EPG5: variants seen among roughly 807,000 people sequenced by gnomAD.
The protein encoded by EPG5 is ectopic P-granules 5 autophagy tethering factor.
A neutral mutation model predicts 302.7 loss-of-function variants in EPG5; 159 were observed. The ratio of observed to expected loss-of-function variants is 0.53; its 90% confidence interval spans 0.46 to 0.60. EPG5 has a LOEUF of 0.60. EPG5 is among the 20% of genes least tolerant of loss of function. The pLI, the probability that EPG5 is intolerant of heterozygous loss-of-function variation, is 0.00. For missense variants in EPG5, 2,896 were observed against 3,092.4 expected, an observed-to-expected ratio of 0.94 and a Z score of 1.51; for synonymous variants, 1,158 against 1,136.8, an observed-to-expected ratio of 1.02 and a Z score of -0.37.
Position 45,951,251 on chromosome 18 carries a change from G to T in EPG5, c.1253-13C>A. On this transcript the variant is annotated splice_polypyrimidine_tract_variant and intron_variant, in intron 3 of 43. Transcript: ENST00000282041. Reference sequence around the variant, plus strand: ...GTCTGCTTAGACGCTGTAAATGAAAGATATTAAATGAGTCTCTCATAAATG... The same window carrying T: ...GTCTGCTTAGACGCTGTAAATGAAATATATTAAATGAGTCTCTCATAAATG... 1 of 1,449,562 alleles carries T rather than the reference G, an allele frequency of 6.9e-7. No homozygotes were observed. The highest frequency in any genetic ancestry group is 1.6e-5 in the South Asian group (1 of 61,274). The allele number at this position is 1,449,562 out of a possible 1,614,324, so 89.8% of individuals were successfully genotyped here.
At chr18:45,882,603 A>C in intron 30 of EPG5, 116 bp from the exon 31 acceptor site, 1 of 720,958 alleles carries the variant, frequency 1.4e-6, no homozygotes, top group Non-Finnish European at 2.2e-6. Flanking sequence ...ATTTTATAAA[A>C]ATTGAAATTA....
At position 45,850,809 on chromosome 18, in the gene EPG5, T is replaced by C. The variant is rs1193770403; in HGVS notation, c.*1658A>G. 6.6e-6 allele frequency: 1 copy of C among 152,660 alleles called. No homozygotes were observed. Among genetic ancestry groups the C allele is most frequent in the African/African-American group, 2.4e-5 (1 of 41,456 alleles). The allele number at this position is 152,660 out of a possible 1,614,324, so 9.5% of individuals were successfully genotyped here. A position where few individuals can be genotyped will look rare whatever the true frequency, so the allele number is the denominator to read the frequency against. On this transcript the variant is annotated 3_prime_UTR_variant, in exon 44 of 44. Transcript: ENST00000282041. ...CTCCTCAAAGAAAACACAAAATATTTCCAAACAAAAATCGCTGTTGCCAGA... is the reference window on the plus strand; with the variant it reads ...CTCCTCAAAGAAAACACAAAATATTCCCAAACAAAAATCGCTGTTGCCAGA...
intron 35 of EPG5, among the ~76,000 whole-genome samples, chr18:45,872,848 G>A (rs983346121): frequency 1.3e-5 from 2 of 152,154 alleles, no homozygotes; most frequent in African/African-American, 2.4e-5. Flanking sequence ...GATAGCATTC[G>A]TTTAAATATG....
At chr18:45,927,433 T>G (rs560414001) in intron 13 of EPG5, among the ~76,000 whole-genome samples, 12 of 152,286 alleles carry the variant, frequency 7.9e-5, no homozygotes, top group African/African-American at 2.6e-4. Flanking sequence ...AATTATGACA[T>G]GATCCAGCAA....
chr18:45,810,770 G>T, the EPG5 span, among the ~76,000 whole-genome samples: 53 of 152,166 alleles, frequency 3.5e-4, no homozygotes, highest in African/African-American at 1.2e-3. Flanking sequence ...GACAGAGTGG[G>T]ACTCTGTCTA....
chr18:45,943,315 G>C lies in EPG5; in HGVS notation c.1793-4C>G. On this transcript the variant is annotated splice_region_variant and splice_polypyrimidine_tract_variant and intron_variant, in intron 8 of 43. Coordinates refer to ENST00000282041, the MANE Select transcript of EPG5 (RefSeq NM_020964.3). ...GTTGTTTCAGGTAAATAATCACCTAGAAGTTAATCAGATAAAAGAAAAAAA... is the reference window on the plus strand; with the variant it reads ...GTTGTTTCAGGTAAATAATCACCTACAAGTTAATCAGATAAAAGAAAAAAA... 1 of 1,612,652 alleles carries C rather than the reference G, an allele frequency of 6.2e-7. No homozygotes were observed. The highest frequency in any genetic ancestry group is 8.5e-7 in the Non-Finnish European group (1 of 1,179,016).
At chr18:45,800,852 A>C in the EPG5 span, among the ~76,000 whole-genome samples, 1 of 152,212 alleles carries the variant, frequency 6.6e-6, no homozygotes, top group South Asian at 2.1e-4. Flanking sequence ...CCAGCACTCC[A>C]GTTAGGGCAA....
At chr18:45,956,714 G>A (rs2051041859) in intron 1 of EPG5, among the ~76,000 whole-genome samples, 1 of 152,012 alleles carries the variant, frequency 6.6e-6, no homozygotes, top group Non-Finnish European at 1.5e-5. Flanking sequence ...ATTAACAGGC[G>A]TGAGCCACCG....
chr18:45,878,122 C>G (rs1387704598), intron 34 of EPG5, among the ~76,000 whole-genome samples: 1 of 152,178 alleles, frequency 6.6e-6, no homozygotes, highest in African/African-American at 2.4e-5. Context: ...TATTCAACCT[C>G]TTATTGTGGA....
chr18:45,805,543 C>T, the EPG5 span, among the ~76,000 whole-genome samples: 1 of 149,896 alleles, frequency 6.7e-6, no homozygotes, highest in Non-Finnish European at 1.5e-5. Context: ...TGTTAATAGG[C>T]AAAAATTTCC....
intron 35 of EPG5, among the ~76,000 whole-genome samples, chr18:45,874,553 C>T (rs2048932471): frequency 1.3e-5 from 2 of 152,158 alleles, no homozygotes; most frequent in Non-Finnish European, 2.9e-5. Context: ...TACATGGCAG[C>T]AGGCAAGAGA....
the EPG5 span, among the ~76,000 whole-genome samples, chr18:45,826,304 G>A: frequency 1.3e-5 from 2 of 152,162 alleles, no homozygotes; most frequent in Non-Finnish European, 2.9e-5. Flanking sequence ...ACTGTGGCAG[G>A]TTTAAGCAAC....
At position 45,879,134 on chromosome 18, in the gene EPG5, T is replaced by A; in HGVS notation, c.5748A>T (p.Leu1916Phe). The A allele has an allele frequency of 1.2e-6, 2 of 1,614,110 alleles. No individual in the cohort carries two copies. Among genetic ancestry groups the A allele is most frequent in the Non-Finnish European group, 1.7e-6 (2 of 1,179,992 alleles). ...LSKMDFKSFG[L>F]FSKWSPYMAD... ...CCATATAAGGACTCCATTTTGAGAATAAACCAAAGCTTTTAAAGTCCATCT... is the reference window on the plus strand; with the variant it reads ...CCATATAAGGACTCCATTTTGAGAAAAAACCAAAGCTTTTAAAGTCCATCT... Residue 1916 changes from leucine (L) to phenylalanine (F), a missense_variant, in exon 33 of 44, where the codon TTA (leucine) becomes TTT (phenylalanine). Leu to Phe is a conservative substitution (Grantham distance 22, BLOSUM62 0). Coordinates refer to ENST00000282041, the MANE Select transcript of EPG5 (RefSeq NM_020964.3).
In EPG5 at chr18:45,879,045, A is replaced by G; in HGVS notation, c.5837T>C (p.Leu1946Ser). Residue 1946 changes from leucine to serine, a missense_variant, in exon 33 of 44, where the codon TTG becomes TCG. This residue lies in a region of EPG5 where 790 missense variants were observed against 798.0 expected (regional missense o/e 0.99). Coordinates refer to ENST00000282041, the MANE Select transcript of EPG5 (RefSeq NM_020964.3). ...KRLIDLEMTC[L>S]AQDPTASRKT... ...CCTGCTGGCAGTTGGGTCTTGGGCC[A>G]AACAGGTCATTTCTAAGTCAATCAG... 2.5e-6 allele frequency: 4 copies of G among 1,614,188 alleles called. No homozygotes were observed. Among genetic ancestry groups the G allele is most frequent in the Non-Finnish European group, 3.4e-6 (4 of 1,180,034 alleles).
chr18:45,900,990 T>G lies in EPG5; in HGVS notation c.4646+6A>C, dbSNP rs775233589. On this transcript the variant is annotated splice_donor_region_variant and intron_variant, in intron 26 of 43. Coordinates refer to ENST00000282041, the MANE Select transcript of EPG5 (RefSeq NM_020964.3). ...GAACATGATCCGTGAGGCTGCATGG[T>G]CTTACCTGGCCTGCTGTTGCAACAG... 2.5e-6 allele frequency: 4 copies of G among 1,610,084 alleles called. 1 individual carries two copies. In the South Asian group the frequency reaches 4.4e-5, roughly 18 times the overall value.
chr18:45,806,228 C>T, the EPG5 span, among the ~76,000 whole-genome samples: 1 of 152,080 alleles, frequency 6.6e-6, no homozygotes, highest in African/African-American at 2.4e-5. Context: ...AAAGCAGATA[C>T]TTCAAGAGCT....
In EPG5 at chr18:45,867,311, A is replaced by G. The variant is rs77661528; in HGVS notation, c.6411+252T>C. ...CTTCAAGAAGCATACAAGAGATTGA[A>G]GTAGATATTAATGAGATACAAAATA... On this transcript the variant is annotated intron_variant, in intron 37 of 43. Transcript: ENST00000282041. Among the ~76,000 whole-genome samples the G allele has an allele frequency of 7.0e-3, 1,063 of 152,358 alleles. 7 individuals carry two copies. Among genetic ancestry groups the G allele is most frequent in the Non-Finnish European group, 0.011 (732 of 68,036 alleles).
Position 45,910,727 on chromosome 18 carries a change from A to G in EPG5, c.3999T>C (p.Gly1333=), listed in dbSNP as rs769635657. The change falls in exon 23 of 44, where the codon GGT becomes GGC. Residue 1333 remains glycine (G), a synonymous_variant. Coordinates refer to ENST00000282041, the MANE Select transcript of EPG5 (RefSeq NM_020964.3). ...PGPQYGLPID[G]CIGRRFFQSP... is the part of the protein sequence containing the mutation. ...TTTGAAAAAACCTTCTTCCAATACA[A>G]CCATCTATGGGTAACCTTAAAAAAC... is the stretch of plus-strand genomic sequence containing the variant. 1.2e-6 allele frequency: 2 copies of G among 1,613,858 alleles called. No individual in the cohort carries two copies. The highest frequency in any genetic ancestry group is 2.2e-5 in the South Asian group (2 of 91,052).
chr18:45,826,230 A>T, the EPG5 span, among the ~76,000 whole-genome samples: 2 of 151,480 alleles, frequency 1.3e-5, no homozygotes, highest in Non-Finnish European at 2.9e-5. Flanking sequence ...GGGTGATTTC[A>T]TGTGGGGGAT....
Sources: allele counts gnomAD v4.1 joint callset (sites outside exome capture counted in the v4.1 genomes callset), GRCh38; gene constraint gnomAD v4.1.1; regional missense constraint gnomAD v4.1.1; transcripts MANE v1.5; gene names NCBI Gene and HGNC (gene_info 2026-07-23, HGNC 2026-07-21).